FHIT: variants seen among roughly 807,000 people sequenced by gnomAD.
FHIT encodes fragile histidine triad diadenosine triphosphatase.
A neutral mutation model predicts 17.9 loss-of-function variants in FHIT; 19 were observed. The observed-to-expected ratio is 1.06, with a 90% CI of 0.74 to 1.56. The LOEUF is 1.56. Among genes scored for constraint, FHIT ranks in the 40% most tolerant of loss-of-function variants. The pLI is 0.00. For synonymous variants in FHIT, 81 were observed against 69.7 expected (o/e 1.16, Z -0.81); for missense variants, 248 against 189.2 (o/e 1.31, Z -1.82).
At chr3:60,024,981 C>A (rs1575914388) in intron 5 of FHIT, among the ~76,000 whole-genome samples, 1 of 152,190 alleles carries the variant, frequency 6.6e-6, no homozygotes, top group South Asian at 2.1e-4. Flanking sequence ...GTGGTGGTGG[C>A]AGTAGAGATG....
intron 5 of FHIT, among the ~76,000 whole-genome samples, chr3:60,176,806 T>C (rs1006630729): frequency 1.3e-5 from 2 of 152,154 alleles, no homozygotes; most frequent in Admixed American, 1.3e-4. Flanking sequence ...CATGAGCCGA[T>C]GGAAGTCCTG....
At chr3:60,717,937 T>G (rs781184505) in intron 4 of FHIT, among the ~76,000 whole-genome samples, 73 of 152,304 alleles carry the variant, frequency 4.8e-4, no homozygotes, top group South Asian at 1.0e-3. Flanking sequence ...CAGGCATCAT[T>G]TGGACAGAGT....
intron 4 of FHIT, among the ~76,000 whole-genome samples, chr3:60,741,593 T>G (rs17031633): frequency 0.14 from 21,938 of 152,232 alleles, 2,349 homozygotes; most frequent in African/African-American, 0.3. Flanking sequence ...CCAGGCATAT[T>G]GACTTTGTAA....
chr3:59,946,108 G>T (rs1176221423), intron 7 of FHIT, among the ~76,000 whole-genome samples: 1 of 152,172 alleles, frequency 6.6e-6, no homozygotes, highest in Non-Finnish European at 1.5e-5. Flanking sequence ...TCTATAAATT[G>T]CTTTGGGCAG....
intron 4 of FHIT, among the ~76,000 whole-genome samples, chr3:60,769,895 A>G (rs1396121459): frequency 6.6e-6 from 1 of 152,262 alleles, no homozygotes; most frequent in African/African-American, 2.4e-5. Flanking sequence ...TTGCTTTAGC[A>G]GATGCAAGAG....
At chr3:60,757,899 G>A (rs782050869) in intron 4 of FHIT, among the ~76,000 whole-genome samples, 2 of 152,186 alleles carry the variant, frequency 1.3e-5, no homozygotes, top group African/African-American at 2.4e-5. Context: ...GCACTTGGAC[G>A]TCCTGCTGGA....
At chr3:60,115,345 A>C (rs1704906638) in intron 5 of FHIT, among the ~76,000 whole-genome samples, 2 of 152,304 alleles carry the variant, frequency 1.3e-5, no homozygotes, top group South Asian at 4.2e-4. Context: ...AGAAAACTAA[A>C]TTTAAAGCAT....
chr3:60,391,572 T>C (rs974513), intron 5 of FHIT, among the ~76,000 whole-genome samples: 4,118 of 152,286 alleles, frequency 0.027, 91 homozygotes, highest in Middle Eastern at 0.061. Context: ...TTTTACTTCT[T>C]ATACTGTATT....
At chr3:60,947,875 AT>A (rs1708706121) in intron 3 of FHIT, among the ~76,000 whole-genome samples, 1 of 152,244 alleles carries the variant, frequency 6.6e-6, no homozygotes, top group South Asian at 2.1e-4. Flanking sequence ...TTGATTGGAA[AT>A]AAAGGAAAAG....
intron 5 of FHIT, among the ~76,000 whole-genome samples, chr3:60,090,251 A>C (rs913236733): frequency 6.6e-6 from 1 of 152,142 alleles, no homozygotes; most frequent in African/African-American, 2.4e-5. Flanking sequence ...CCAGTATGAA[A>C]ATGTGAAGGA....
chr3:61,215,192 C>G (rs2039632268), intron 1 of FHIT, among the ~76,000 whole-genome samples: 1 of 151,840 alleles, frequency 6.6e-6, no homozygotes, highest in Non-Finnish European at 1.5e-5. Flanking sequence ...AAAGGGCATT[C>G]AATTAGGAAA....
chr3:61,146,663 T>A (rs2037234856), intron 2 of FHIT, among the ~76,000 whole-genome samples: 1 of 152,060 alleles, frequency 6.6e-6, no homozygotes, highest in South Asian at 2.1e-4. Flanking sequence ...AGGAATGTAA[T>A]GATCTGAGCC....
chr3:60,420,362 AT>A (rs1256923088), intron 5 of FHIT, among the ~76,000 whole-genome samples: 1 of 152,058 alleles, frequency 6.6e-6, no homozygotes, highest in African/African-American at 2.4e-5. Flanking sequence ...CTTTGTTTTC[AT>A]TTTTTTGCCA....
rs181101162 is a variant in FHIT at position 60,690,443 on chromosome 3, T to A, written c.-18+131476A>T. 2.9e-4 allele frequency: 166 copies of A among 579,314 alleles called. No individual in the cohort carries two copies. The Middle Eastern group carries it at 3.3e-3, about 12-fold the overall frequency. 35.9% of individuals were successfully genotyped at this position (579,314 alleles called of 1,614,324 possible). ...GCCATGGACAGGATGCCAGGACCTGTATGCTTCAGGATGAAGTTCTCGTCA... is the reference window on the plus strand; with the variant it reads ...GCCATGGACAGGATGCCAGGACCTGAATGCTTCAGGATGAAGTTCTCGTCA... On this transcript the variant is annotated intron_variant, in intron 4 of 9. Transcript: ENST00000492590.
chr3:60,859,699 C>T (rs1703543350), intron 3 of FHIT, among the ~76,000 whole-genome samples: 1 of 139,722 alleles, frequency 7.2e-6, no homozygotes, highest in South Asian at 2.2e-4. Flanking sequence ...CCTTCAGAAA[C>T]ATTTGCAGTG....
At chr3:60,583,952 A>G (rs2037826233) in intron 4 of FHIT, among the ~76,000 whole-genome samples, 1 of 152,116 alleles carries the variant, frequency 6.6e-6, no homozygotes. Context: ...TCTTGGGGAA[A>G]TATTACAGAA....
chr3:60,006,775 A>ATATTC, intron 7 of FHIT, among the ~76,000 whole-genome samples: 1 of 152,134 alleles, frequency 6.6e-6, no homozygotes, highest in Non-Finnish European at 1.5e-5. Flanking sequence ...AAGTATGTTA[A>ATATTC]CTACTAGACT....
chr3:61,230,254 A>G (rs959350674), intron 1 of FHIT, among the ~76,000 whole-genome samples: 9 of 152,000 alleles, frequency 5.9e-5, no homozygotes, highest in African/African-American at 2.2e-4. Context: ...ATGGGGGTGG[A>G]TTTTTCATGA....
chr3:60,261,686 G>A (rs1009747176), intron 5 of FHIT, among the ~76,000 whole-genome samples: 1 of 152,010 alleles, frequency 6.6e-6, no homozygotes, highest in Admixed American at 6.6e-5. Flanking sequence ...CAATAGGTAC[G>A]TTACTGATGA....
Sources: allele counts gnomAD v4.1 joint callset (sites outside exome capture counted in the v4.1 genomes callset), GRCh38; gene constraint gnomAD v4.1.1; transcripts MANE v1.5; gene names NCBI Gene and HGNC (gene_info 2026-07-23, HGNC 2026-07-21).